GHR: variants seen among roughly 807,000 people sequenced by gnomAD.
The protein encoded by GHR is GH receptor.
A neutral mutation model predicts 67.1 loss-of-function variants in GHR; 35 were observed. The ratio of observed to expected loss-of-function variants is 0.52; its 90% confidence interval spans 0.40 to 0.69. The LOEUF (loss-of-function observed/expected upper bound fraction) is 0.69, where lower values mean the gene tolerates loss of function less well. GHR is among the 30% of genes least tolerant of loss of function. The probability of loss-of-function intolerance (pLI) is 0.00; values close to 1 mark genes in which losing one functional copy is unlikely to be tolerated. For missense variants in GHR, 792 were observed against 764.6 expected (o/e 1.04, Z -0.42); for synonymous variants, 272 against 269.1 (o/e 1.01, Z -0.10).
intron 2 of GHR, among the ~76,000 whole-genome samples, chr5:42,569,879 G>T (rs1750181482): frequency 6.6e-6 from 1 of 152,066 alleles, no homozygotes; most frequent in South Asian, 2.1e-4. Flanking sequence ...CAAAGTAAGA[G>T]ACTTAGGAAT....
At chr5:42,626,610 C>T (rs766557336) in intron 2 of GHR, among the ~76,000 whole-genome samples, 1 of 152,142 alleles carries the variant, frequency 6.6e-6, no homozygotes, top group Non-Finnish European at 1.5e-5. Flanking sequence ...GTGTCTCAAC[C>T]TCTAATCAAC....
rs561070344 is a variant in GHR, at chr5:42,577,429, T to A, written c.70+11485T>A. Reference sequence around the variant, plus strand: ...TATATCTACTTAGGAAATTTTTTTTTAAAATAACTGATAGATGTTCAGTTA... The same window carrying A: ...TATATCTACTTAGGAAATTTTTTTTAAAAATAACTGATAGATGTTCAGTTA... On this transcript the variant is annotated intron_variant, in intron 2 of 9. Coordinates refer to ENST00000230882, the MANE Select transcript of GHR (RefSeq NM_000163.5). Among the ~76,000 whole-genome samples, 16 of 152,292 alleles carry A rather than the reference T, an allele frequency of 1.1e-4. No homozygotes were observed. In the South Asian group the frequency reaches 1.5e-3, roughly 14 times the overall value.
At chr5:42,695,867 C>A (rs1757648753) in intron 5 of GHR, among the ~76,000 whole-genome samples, 1 of 152,120 alleles carries the variant, frequency 6.6e-6, no homozygotes, top group African/African-American at 2.4e-5. Context: ...TTGCTTCTCC[C>A]AAATGTATTG....
intron 2 of GHR, among the ~76,000 whole-genome samples, chr5:42,621,814 T>G (rs1047683137): frequency 6.6e-5 from 10 of 152,182 alleles, no homozygotes; most frequent in African/African-American, 2.2e-4. Context: ...TAATATGCTG[T>G]ATGATTTACT....
intron 1 of GHR, among the ~76,000 whole-genome samples, chr5:42,504,398 G>A (rs1019708617): frequency 1.3e-5 from 2 of 152,112 alleles, no homozygotes; most frequent in Admixed American, 6.6e-5. Context: ...CTGGCTTTAC[G>A]TTGCCTTCAC....
At position 42,424,653 on chromosome 5, in the gene GHR, T is replaced by A; in HGVS notation, c.-12+698T>A. ...CCCCAGCTTTTGACACACTAGTGGT[T>A]GTAAAATCAACCAGGCTTAAAGTTT... is the stretch of plus-strand genomic sequence containing the variant. On this transcript the variant is annotated intron_variant, in intron 1 of 9. Coordinates refer to ENST00000230882, the MANE Select transcript of GHR (RefSeq NM_000163.5). This position sits in a 1 kb window ranked among gnomAD's most constrained non-coding sequence, Gnocchi z 4.1. 6.8e-7 allele frequency: 1 copy of A among 1,476,410 alleles called. No individual in the cohort carries two copies. Among genetic ancestry groups the A allele is most frequent in the Non-Finnish European group, 9.1e-7 (1 of 1,092,976 alleles). 91.5% of individuals were successfully genotyped at this position (1,476,410 alleles called of 1,614,324 possible).
At chr5:42,690,563 C>G (rs1175954077) in intron 4 of GHR, among the ~76,000 whole-genome samples, 1 of 151,952 alleles carries the variant, frequency 6.6e-6, no homozygotes, top group Non-Finnish European at 1.5e-5. Flanking sequence ...TGTATAAGAC[C>G]ATTTATACCA....
intron 3 of GHR, among the ~76,000 whole-genome samples, chr5:42,647,291 T>C (rs1382216279): frequency 6.6e-5 from 10 of 151,952 alleles, no homozygotes; most frequent in Non-Finnish European, 1.5e-4. Flanking sequence ...AATATAAAAA[T>C]CGGCCGGGCG....
chr5:42,468,749 CT>C, intron 1 of GHR: 3 of 1,053,868 alleles, frequency 2.8e-6, no homozygotes, highest in Admixed American at 1.8e-5. Context: ...CCGCCAGCTT[CT>C]TTTTTCTTGT....
intron 1 of GHR, among the ~76,000 whole-genome samples, chr5:42,530,764 C>T (rs936970055): frequency 1.3e-5 from 2 of 152,046 alleles, no homozygotes; most frequent in Non-Finnish European, 2.9e-5. Flanking sequence ...AACTAAGGCA[C>T]TTATTCTCTT....
intron 2 of GHR, among the ~76,000 whole-genome samples, chr5:42,569,940 A>G (rs571925354): frequency 1.3e-5 from 2 of 152,138 alleles, no homozygotes; most frequent in Admixed American, 1.3e-4. Flanking sequence ...TTTTTTCTGT[A>G]TATTTTGAAC....
chr5:42,474,377 A>G (rs865920428), intron 1 of GHR, among the ~76,000 whole-genome samples: 3 of 152,082 alleles, frequency 2.0e-5, no homozygotes. Context: ...CTGTCTGCCA[A>G]CCTGCTTCCA....
At chr5:42,479,564 C>G (rs1018865989) in intron 1 of GHR, among the ~76,000 whole-genome samples, 1 of 152,146 alleles carries the variant, frequency 6.6e-6, no homozygotes. Flanking sequence ...AATTTCAGAG[C>G]CTGTTATTGG....
rs750102847 is a variant in GHR at position 42,688,927 on chromosome 5, A to G, written c.174A>G (p.Ser58=). 1 of 1,613,812 alleles carries G rather than the reference A, an allele frequency of 6.2e-7. No homozygotes were observed. The highest frequency in any genetic ancestry group is 8.5e-7 in the Non-Finnish European group (1 of 1,179,720). The change falls in exon 4 of 10, where the codon TCA becomes TCG. Residue 58 remains serine (S), a synonymous_variant. Coordinates refer to ENST00000230882, the MANE Select transcript of GHR (RefSeq NM_000163.5). ...AGCCTAAATTCACCAAGTGCCGTTC[A>G]CCTGAGCGAGAGACTTTTTCATGCC... The part of the protein sequence containing the change: ...SKEPKFTKCR[S]PERETFSCHW...
chr5:42,509,062 C>T (rs919494545), intron 1 of GHR, among the ~76,000 whole-genome samples: 1 of 152,148 alleles, frequency 6.6e-6, no homozygotes, highest in African/African-American at 2.4e-5. Flanking sequence ...AAATAAACAT[C>T]CTCACCTCAC....
intron 1 of GHR, among the ~76,000 whole-genome samples, chr5:42,469,088 C>G (rs919362081): frequency 6.6e-6 from 1 of 152,164 alleles, no homozygotes; most frequent in Non-Finnish European, 1.5e-5. Context: ...CTAGATAATA[C>G]TATTGTAGAA....
In GHR at chr5:42,424,039, TTG is replaced by T. The variant is rs1352662450; in HGVS notation, c.-12+86_-12+87del. 1.3e-5 allele frequency: 2 copies of T among 153,880 alleles called. No homozygotes were observed. The highest frequency in any genetic ancestry group is 2.9e-5 in the Non-Finnish European group (2 of 68,898). 9.5% of individuals were successfully genotyped at this position (153,880 alleles called of 1,614,324 possible). ...CTGAGGGTGAACCCTGGGACTCTAG[TTG>T]TTTATGAAAACGGGAGGATCTGTCT... On this transcript the variant is annotated intron_variant, in intron 1 of 9. Transcript: ENST00000230882. The surrounding 1 kb of genome is among the most constrained non-coding windows in gnomAD (Gnocchi z 4.1).
chr5:42,692,006 C>G (rs1757443813), intron 4 of GHR, among the ~76,000 whole-genome samples: 1 of 152,160 alleles, frequency 6.6e-6, no homozygotes, highest in African/African-American at 2.4e-5. Context: ...ACACTCAGTC[C>G]TTAAGGCTGT....
At chr5:42,715,233 C>G (rs752232922) in intron 8 of GHR, 1 of 257,094 alleles carries the variant, frequency 3.9e-6, no homozygotes. Context: ...CCATTAAAAA[C>G]GCTTATCATT....
Sources: allele counts gnomAD v4.1 joint callset (sites outside exome capture counted in the v4.1 genomes callset), GRCh38; gene constraint gnomAD v4.1.1; non-coding constraint Gnocchi (gnomAD v3.1); transcripts MANE v1.5; gene names NCBI Gene and HGNC (gene_info 2026-07-23, HGNC 2026-07-21).